Variants in LHFPL3 observed in about 807,000 individuals in gnomAD.
The protein encoded by LHFPL3 is LHFPL tetraspan subfamily member 3.
A neutral mutation model predicts 19.3 loss-of-function variants in LHFPL3; 5 were observed. The observed-to-expected ratio is 0.26, with a 90% CI of 0.14 to 0.54. The LOEUF (loss-of-function observed/expected upper bound fraction) is 0.54, where lower values mean the gene tolerates loss of function less well. Ranked by LOEUF, LHFPL3 falls within the 20% of genes least tolerant of loss-of-function variation. LHFPL3 has a pLI of 0.94. For missense variants in LHFPL3, 249 were observed against 307.4 expected, an observed-to-expected ratio of 0.81 and a Z score of 1.42; for synonymous variants, 133 against 126.2, an observed-to-expected ratio of 1.05 and a Z score of -0.36.
At chr7:104,870,645 G>C (rs1256318334) in intron 2 of LHFPL3, among the ~76,000 whole-genome samples, 1 of 152,200 alleles carries the variant, frequency 6.6e-6, no homozygotes, top group Non-Finnish European at 1.5e-5. Flanking sequence ...AGGGTGGTCT[G>C]TGACAACGGG....
intron 1 of LHFPL3, among the ~76,000 whole-genome samples, chr7:104,446,088 A>C (rs543237256): frequency 6.6e-6 from 1 of 152,356 alleles, no homozygotes; most frequent in South Asian, 2.1e-4. Context: ...AATGCCTTCT[A>C]GGTCAGTTTC....
chr7:104,740,295 A>G (rs993695810), intron 2 of LHFPL3, among the ~76,000 whole-genome samples: 1 of 152,214 alleles, frequency 6.6e-6, no homozygotes, highest in African/African-American at 2.4e-5. Context: ...TGGTCTACCA[A>G]TTATATCACT....
intron 1 of LHFPL3, among the ~76,000 whole-genome samples, chr7:104,539,572 C>T (rs909587819): frequency 1.3e-5 from 2 of 152,022 alleles, no homozygotes; most frequent in Non-Finnish European, 2.9e-5. Context: ...TACAAAGACC[C>T]TGGGTTCAGG....
At chr7:104,755,274 C>T (rs1464631835) in intron 2 of LHFPL3, among the ~76,000 whole-genome samples, 1 of 144,948 alleles carries the variant, frequency 6.9e-6, no homozygotes, top group African/African-American at 2.5e-5. Flanking sequence ...GCTAACATCC[C>T]ATCAGCCAAA....
intron 1 of LHFPL3, among the ~76,000 whole-genome samples, chr7:104,519,078 C>T (rs34181405): frequency 0.053 from 8,136 of 152,204 alleles, 305 homozygotes; most frequent in South Asian, 0.17. Context: ...CCCTCAGGAT[C>T]GTCACTGTTC....
intron 1 of LHFPL3, among the ~76,000 whole-genome samples, chr7:104,601,772 C>G (rs577069300): frequency 6.6e-6 from 1 of 152,222 alleles, no homozygotes; most frequent in South Asian, 2.1e-4. Flanking sequence ...ACCTGGTCCT[C>G]ACCATACTTT....
intron 2 of LHFPL3, among the ~76,000 whole-genome samples, chr7:104,839,413 T>A (rs891113774): frequency 6.6e-6 from 1 of 152,196 alleles, no homozygotes; most frequent in East Asian, 1.9e-4. Context: ...ATGCCTGTAA[T>A]CTCAGCATAT....
chr7:104,396,584 G>T (rs1355150075), intron 1 of LHFPL3, among the ~76,000 whole-genome samples: 1 of 149,170 alleles, frequency 6.7e-6, no homozygotes, highest in Non-Finnish European at 1.5e-5. Flanking sequence ...CTTTTCTCCA[G>T]CCCATACCCT....
chr7:104,748,749 C>T (rs904011037), intron 2 of LHFPL3, among the ~76,000 whole-genome samples: 7 of 152,132 alleles, frequency 4.6e-5, no homozygotes, highest in Non-Finnish European at 7.3e-5. Flanking sequence ...TGGTGGGATC[C>T]TCCATATGCT....
intron 1 of LHFPL3, among the ~76,000 whole-genome samples, chr7:104,526,904 G>A (rs1057060709): frequency 6.6e-6 from 1 of 152,144 alleles, no homozygotes; most frequent in East Asian, 1.9e-4. Context: ...ACTCTAGTGG[G>A]GAGACAGAAA....
chr7:104,449,268 C>A (rs1447916949), intron 1 of LHFPL3, among the ~76,000 whole-genome samples: 3 of 152,060 alleles, frequency 2.0e-5, no homozygotes, highest in South Asian at 2.1e-4. Context: ...GTTGTTGTTT[C>A]TTTTTTTCCC....
chr7:104,830,342 C>T (rs1325384894), intron 2 of LHFPL3, among the ~76,000 whole-genome samples: 7 of 151,742 alleles, frequency 4.6e-5, no homozygotes, highest in Admixed American at 6.6e-5. Context: ...TTAATTAGAT[C>T]CCATTTGTCA....
chr7:104,580,123 T>C (rs1267261900), intron 1 of LHFPL3, among the ~76,000 whole-genome samples: 1 of 152,162 alleles, frequency 6.6e-6, no homozygotes, highest in Non-Finnish European at 1.5e-5. Context: ...ATTAAAATAC[T>C]CACTCATCTT....
intron 2 of LHFPL3, among the ~76,000 whole-genome samples, chr7:104,775,021 T>C (rs1421699539): frequency 6.6e-6 from 1 of 152,204 alleles, no homozygotes; most frequent in East Asian, 1.9e-4. Context: ...TCCTGCACCA[T>C]TGTCAATACG....
intron 1 of LHFPL3, among the ~76,000 whole-genome samples, chr7:104,723,933 A>C (rs536205448): frequency 2.6e-5 from 4 of 152,288 alleles, no homozygotes; most frequent in African/African-American, 9.6e-5. Flanking sequence ...GTCCAAATTA[A>C]TCTAATGTCC....
chr7:104,815,887 G>A (rs1790552223), intron 2 of LHFPL3, among the ~76,000 whole-genome samples: 1 of 152,110 alleles, frequency 6.6e-6, no homozygotes. Context: ...AATTCTCAAG[G>A]TCCCTCCCCC....
intron 1 of LHFPL3, among the ~76,000 whole-genome samples, chr7:104,524,175 G>C (rs1026219430): frequency 2.6e-5 from 4 of 152,166 alleles, no homozygotes; most frequent in Non-Finnish European, 5.9e-5. Context: ...GGAATGGTGA[G>C]AGAAGTTAGA....
chr7:104,561,693 A>C (rs1365686814), intron 1 of LHFPL3, among the ~76,000 whole-genome samples: 2 of 151,896 alleles, frequency 1.3e-5, no homozygotes, highest in African/African-American at 4.8e-5. Flanking sequence ...TTTAAAGTTA[A>C]TATTGTTATG....
intron 1 of LHFPL3, among the ~76,000 whole-genome samples, chr7:104,546,332 A>C (rs978152023): frequency 5.3e-5 from 8 of 152,204 alleles, no homozygotes; most frequent in Admixed American, 4.6e-4. Context: ...TATTTAATCT[A>C]GCACCTTCAG....
Sources: gnomAD v4.1 joint callset for allele counts (sites outside exome capture counted in the v4.1 genomes callset) on GRCh38, gnomAD v4.1.1 for gene constraint, MANE v1.5 for transcripts, NCBI Gene and HGNC (gene_info 2026-07-23, HGNC 2026-07-21) for gene names.